PPARGC1A: variants seen among roughly 807,000 people sequenced by gnomAD.
PPARGC1A encodes peroxisome proliferator-activated receptor gamma coactivator 1-alpha.
Under a neutral mutation model 88.7 loss-of-function variants are expected in PPARGC1A, and 25 were observed. The ratio of observed to expected loss-of-function variants is 0.28; its 90% confidence interval spans 0.21 to 0.39. PPARGC1A has a LOEUF of 0.39. Among genes scored for constraint, PPARGC1A ranks in the 10% least tolerant of loss-of-function variants. PPARGC1A has a pLI of 1.00. For synonymous variants in PPARGC1A, 363 were observed against 355.6 expected (o/e 1.02, Z -0.24); for missense variants, 880 against 968.7 (o/e 0.91, Z 1.22).
intron 2 of PPARGC1A, among the ~76,000 whole-genome samples, chr4:23,874,018 A>G (rs565519060): frequency 5.8e-4 from 88 of 152,288 alleles, no homozygotes; most frequent in African/African-American, 1.9e-3. Context: ...TTGACTGGTT[A>G]TCTACCCAAA....
At chr4:23,955,062 A>G in the PPARGC1A span, among the ~76,000 whole-genome samples, 112,691 of 151,940 alleles carry the variant, frequency 0.74, 42,711 homozygotes, top group Non-Finnish European at 0.84. Context: ...CTTTTAAAGG[A>G]AAGTTATACT....
At chr4:24,178,956 C>T in the PPARGC1A span, among the ~76,000 whole-genome samples, 2 of 152,200 alleles carry the variant, frequency 1.3e-5, no homozygotes, top group East Asian at 1.9e-4. Context: ...TAACCTATTC[C>T]GTATTCTTCA....
chr4:24,034,686 T>C, the PPARGC1A span, among the ~76,000 whole-genome samples: 5 of 152,182 alleles, frequency 3.3e-5, no homozygotes, highest in African/African-American at 4.8e-5. Flanking sequence ...AACATACTAG[T>C]GTGTCTCCAT....
chr4:24,095,614 A>C, the PPARGC1A span, among the ~76,000 whole-genome samples: 1 of 152,156 alleles, frequency 6.6e-6, no homozygotes, highest in African/African-American at 2.4e-5. Flanking sequence ...ATTTCCAGCA[A>C]CCACCAGAAC....
chr4:24,323,394 C>A, the PPARGC1A span, among the ~76,000 whole-genome samples: 11 of 152,142 alleles, frequency 7.2e-5, no homozygotes, highest in Non-Finnish European at 1.6e-4. Flanking sequence ...AAAGGCCCTG[C>A]CCCGCCTTAA....
At chr4:24,091,035 C>T in the PPARGC1A span, among the ~76,000 whole-genome samples, 1 of 152,254 alleles carries the variant, frequency 6.6e-6, no homozygotes, top group African/African-American at 2.4e-5. Context: ...GAATGGTCAC[C>T]TCATTAAAAA....
chr4:24,053,522 C>A, the PPARGC1A span, among the ~76,000 whole-genome samples: 1 of 152,024 alleles, frequency 6.6e-6, no homozygotes, highest in Non-Finnish European at 1.5e-5. Flanking sequence ...ATAAGTCAGA[C>A]AGAGTCCATC....
the PPARGC1A span, among the ~76,000 whole-genome samples, chr4:24,457,921 T>G: frequency 1.3e-5 from 2 of 152,004 alleles, no homozygotes; most frequent in African/African-American, 2.4e-5. Context: ...GTTCAGTAAA[T>G]AGAACAAGAA....
the PPARGC1A span, among the ~76,000 whole-genome samples, chr4:24,355,079 T>C: frequency 3.6e-3 from 551 of 152,290 alleles, 8 homozygotes; most frequent in African/African-American, 0.013. Context: ...CATCAGAAAG[T>C]TGAAGGGACT....
At chr4:24,055,493 C>T in the PPARGC1A span, among the ~76,000 whole-genome samples, 34,078 of 152,024 alleles carry the variant, frequency 0.22, 4,118 homozygotes, top group Non-Finnish European at 0.24. Flanking sequence ...CTATACATGA[C>T]AAGAAAAGTG....
At chr4:24,087,201 C>A in the PPARGC1A span, among the ~76,000 whole-genome samples, 3 of 152,286 alleles carry the variant, frequency 2.0e-5, no homozygotes, top group East Asian at 5.8e-4. Flanking sequence ...CACTAGCCAG[C>A]GCTGGAACTT....
chr4:24,193,777 CTGTT>C, the PPARGC1A span, among the ~76,000 whole-genome samples: 1 of 152,266 alleles, frequency 6.6e-6, no homozygotes, highest in Non-Finnish European at 1.5e-5. Flanking sequence ...TGCCTTTTCT[CTGTT>C]TGTGCTCCAG....
At chr4:23,917,764 A>C in the PPARGC1A span, among the ~76,000 whole-genome samples, 1 of 152,252 alleles carries the variant, frequency 6.6e-6, no homozygotes, top group Non-Finnish European at 1.5e-5. Context: ...ATTGATAACT[A>C]AAATTAGTAG....
chr4:24,183,669 G>T, the PPARGC1A span, among the ~76,000 whole-genome samples: 2 of 152,140 alleles, frequency 1.3e-5, no homozygotes, highest in African/African-American at 4.8e-5. Flanking sequence ...GTTATCATGT[G>T]CACTGGTTTC....
chr4:24,233,999 A>C, the PPARGC1A span, among the ~76,000 whole-genome samples: 1 of 152,242 alleles, frequency 6.6e-6, no homozygotes, highest in Non-Finnish European at 1.5e-5. Flanking sequence ...CAGGATTTAA[A>C]TCTCAGTCTG....
chr4:24,062,193 G>A, the PPARGC1A span, among the ~76,000 whole-genome samples: 23 of 152,288 alleles, frequency 1.5e-4, no homozygotes, highest in African/African-American at 4.3e-4. Flanking sequence ...CAACTTTGAC[G>A]TCCTTCCCTA....
chr4:24,186,286 C>T, the PPARGC1A span, among the ~76,000 whole-genome samples: 3 of 152,104 alleles, frequency 2.0e-5, no homozygotes, highest in African/African-American at 4.8e-5. Flanking sequence ...GACCCTTCTG[C>T]GAATCCAGTA....
chr4:23,968,624 A>T, the PPARGC1A span, among the ~76,000 whole-genome samples: 1 of 152,226 alleles, frequency 6.6e-6, no homozygotes, highest in Non-Finnish European at 1.5e-5. Context: ...TTATTAAATA[A>T]GAACTATTGG....
At chr4:24,262,912 T>A in the PPARGC1A span, among the ~76,000 whole-genome samples, 1 of 152,212 alleles carries the variant, frequency 6.6e-6, no homozygotes, top group African/African-American at 2.4e-5. Context: ...GGTAGCTGGC[T>A]CTGCCTTGCA....
Sources: allele counts gnomAD v4.1 joint callset (sites outside exome capture counted in the v4.1 genomes callset), GRCh38; gene constraint gnomAD v4.1.1; transcripts MANE v1.5; gene names NCBI Gene and HGNC (gene_info 2026-07-23, HGNC 2026-07-21).